Variants in OXCT1 observed in about 807,000 individuals in gnomAD.
The protein encoded by OXCT1 is succinyl-CoA:3-ketoacid coenzyme A transferase 1, mitochondrial.
In OXCT1, 27 loss-of-function variants were observed where a neutral mutation model predicts 69.6. The observed-to-expected ratio is 0.39, with a 90% CI of 0.29 to 0.54. OXCT1 has a LOEUF of 0.54. OXCT1 is among the 20% of genes least tolerant of loss of function. The pLI is 0.72. For synonymous variants in OXCT1, 202 were observed against 217.8 expected (o/e 0.93, Z 0.64); for missense variants, 437 against 650.2 (o/e 0.67, Z 3.57).
intron 13 of OXCT1, among the ~76,000 whole-genome samples, chr5:41,768,045 A>G (rs1744703039): frequency 6.6e-6 from 1 of 152,008 alleles, no homozygotes; most frequent in Non-Finnish European, 1.5e-5. Context: ...CCACATTTCC[A>G]GCTAAGGTCT....
intron 13 of OXCT1, among the ~76,000 whole-genome samples, chr5:41,791,347 A>G (rs1745906741): frequency 6.6e-6 from 1 of 152,236 alleles, no homozygotes; most frequent in South Asian, 2.1e-4. Context: ...TGATGTTCCT[A>G]CAGAACTCCA....
intron 13 of OXCT1, among the ~76,000 whole-genome samples, chr5:41,787,371 T>C (rs1485309160): frequency 1.3e-5 from 2 of 152,156 alleles, no homozygotes; most frequent in Non-Finnish European, 2.9e-5. Context: ...AAGATAGGTC[T>C]ACAATTTCCC....
chr5:41,805,486 A>T lies in OXCT1; in HGVS notation c.955+81T>A, dbSNP rs546119491. 4.4e-6 allele frequency: 4 copies of T among 917,082 alleles called. No homozygotes were observed. The Admixed American group carries it at 5.2e-5, about 12-fold the overall frequency. The allele number at this position is 917,082 out of a possible 1,614,324, so 56.8% of individuals were successfully genotyped here. ...TACCATAGACTAGAGATGACTCACT[A>T]TGCAAGAGGTCTAATAGCCTGATCA... On this transcript the variant is annotated intron_variant, in intron 9 of 16. Coordinates refer to ENST00000196371, the MANE Select transcript of OXCT1 (RefSeq NM_000436.4).
At chr5:41,761,134 T>C (rs780618969) in intron 14 of OXCT1, among the ~76,000 whole-genome samples, 9 of 152,098 alleles carry the variant, frequency 5.9e-5, no homozygotes, top group Non-Finnish European at 1.3e-4. Flanking sequence ...TATCAACTTT[T>C]AAAATCAGTA....
intron 4 of OXCT1, among the ~76,000 whole-genome samples, chr5:41,851,216 G>A (rs577629600): frequency 1.3e-5 from 2 of 152,274 alleles, no homozygotes; most frequent in East Asian, 3.9e-4. Context: ...ACTTTAACAG[G>A]ACTCTAAGTA....
Position 41,765,140 on chromosome 5 carries a change from C to A in OXCT1, c.1249-2940G>T, listed in dbSNP as rs76887696. ...CATAAGCGGGAAATGCATCATCATC[C>A]TTCACTCCAGCTTAGCTAGGCATTC... On this transcript the variant is annotated intron_variant, in intron 13 of 16. Transcript: ENST00000196371. Among the ~76,000 whole-genome samples the A allele has an allele frequency of 5.8e-3, 884 of 152,262 alleles. 9 individuals are homozygous for A. Among genetic ancestry groups the A allele is most frequent in the African/African-American group, 0.02 (841 of 41,558 alleles).
At chr5:41,823,979 G>A (rs1747685744) in intron 7 of OXCT1, among the ~76,000 whole-genome samples, 1 of 152,120 alleles carries the variant, frequency 6.6e-6, no homozygotes, top group African/African-American at 2.4e-5. Context: ...TAAGTTAACT[G>A]AAAAATTCAG....
chr5:41,740,718 C>T lies in OXCT1; in HGVS notation c.1420-1227G>A, dbSNP rs144903819. Among the ~76,000 whole-genome samples, 11 of 152,284 alleles carry T rather than the reference C, an allele frequency of 7.2e-5. No homozygotes were observed. In the East Asian group the frequency reaches 1.9e-3, roughly 27 times the overall value. The stretch of plus-strand genomic sequence containing the variant: ...GATACTTGCAGTGGCAGGAGGCTCA[C>T]TTATTTCAAGGCAGATTGTTTACTG... On this transcript the variant is annotated intron_variant, in intron 15 of 16. Transcript: ENST00000196371.
intron 5 of OXCT1, among the ~76,000 whole-genome samples, chr5:41,843,370 T>G (rs990935417): frequency 2.0e-5 from 3 of 152,202 alleles, no homozygotes; most frequent in African/African-American, 7.2e-5. Flanking sequence ...TTTTATTATT[T>G]TCTCCATAAA....
At position 41,766,568 on chromosome 5, in the gene OXCT1, C is replaced by CAA. The variant is rs35725846; in HGVS notation, c.1249-4370_1249-4369dup. 1.4e-3 allele frequency among the ~76,000 whole-genome samples: 163 copies of CAA among 119,988 alleles called. 1 individual carries two copies. Among genetic ancestry groups the CAA allele is most frequent in the Middle Eastern group, 4.5e-3 (1 of 224 alleles). The allele number at this position is 119,988 out of a possible 152,430, so 78.7% of individuals were successfully genotyped here. A position where few individuals can be genotyped will look rare whatever the true frequency, so the allele number is the denominator to read the frequency against. On this transcript the variant is annotated intron_variant, in intron 13 of 16. Transcript: ENST00000196371. Reference sequence around the variant, plus strand: ...AAAGTATCAATATTACATTGTACTCCAAAAAAAAAAAAAAACAACAACAAC... The same window carrying CAA: ...AAAGTATCAATATTACATTGTACTCCAAAAAAAAAAAAAAAAACAACAACAAC...
At position 41,842,210 on chromosome 5, in the gene OXCT1, C is replaced by G. The variant is rs193231093; in HGVS notation, c.671+465G>C. ...AGGTTAATCAATTTTTCAGATAGAA[C>G]CTTTGTAAGCATTTCCTAGAAGACA... is the stretch of plus-strand genomic sequence containing the variant. On this transcript the variant is annotated intron_variant, in intron 6 of 16. Transcript: ENST00000196371. 2.0e-5 allele frequency among the ~76,000 whole-genome samples: 3 copies of G among 152,132 alleles called. No individual in the cohort carries two copies. In the South Asian group the frequency reaches 6.2e-4, roughly 31 times the overall value.
intron 14 of OXCT1, among the ~76,000 whole-genome samples, chr5:41,749,921 T>G (rs1743682829): frequency 6.6e-6 from 1 of 152,120 alleles, no homozygotes; most frequent in African/African-American, 2.4e-5. Context: ...TCCTGATTAT[T>G]TTTCCCTTCC....
In OXCT1 at chr5:41,739,680, A is replaced by G. The variant is rs559177894; in HGVS notation, c.1420-189T>C. 147 of 514,874 alleles carry G rather than the reference A, an allele frequency of 2.9e-4. 1 individual carries two copies. Among genetic ancestry groups the G allele is most frequent in the South Asian group, 2.6e-3 (137 of 52,882 alleles). 31.9% of individuals were successfully genotyped at this position (514,874 alleles called of 1,614,324 possible). ...GGAGATCGAGACCATCCTGGCTAAC[A>G]CGGTGAAACCCCGTCTCTACTAAAA... On this transcript the variant is annotated intron_variant, in intron 15 of 16. Coordinates refer to ENST00000196371, the MANE Select transcript of OXCT1 (RefSeq NM_000436.4).
At position 41,731,637 on chromosome 5, in the gene OXCT1, T is replaced by C; in HGVS notation, c.*92A>G. The C allele has an allele frequency of 1.3e-6, 2 of 1,519,456 alleles. No homozygotes were observed. The highest frequency in any genetic ancestry group is 1.8e-6 in the Non-Finnish European group (2 of 1,120,324). The allele number at this position is 1,519,456 out of a possible 1,614,324, so 94.1% of individuals were successfully genotyped here. On this transcript the variant is annotated 3_prime_UTR_variant, in exon 17 of 17. Coordinates refer to ENST00000196371, the MANE Select transcript of OXCT1 (RefSeq NM_000436.4). Reference sequence around the variant, plus strand: ...AAGAAAACTAATAAAAAACCACCTGTTAAATACACAATTATGATTATTGAT... The same window carrying C: ...AAGAAAACTAATAAAAAACCACCTGCTAAATACACAATTATGATTATTGAT...
intron 15 of OXCT1, among the ~76,000 whole-genome samples, chr5:41,742,509 T>G (rs1743220892): frequency 6.6e-6 from 1 of 152,176 alleles, no homozygotes; most frequent in African/African-American, 2.4e-5. Context: ...CACTTTAAGT[T>G]TTAGGGTACA....
At chr5:41,861,243 T>C (rs1749718283) in intron 3 of OXCT1, 71 bp downstream of exon 3, 2 of 1,000,326 alleles carry the variant, frequency 2.0e-6, no homozygotes, top group Non-Finnish European at 3.2e-6. Flanking sequence ...TTCATTTCAT[T>C]GATAAACTCT....
Position 41,796,761 on chromosome 5 carries a change from C to T in OXCT1, c.1100-2012G>A, listed in dbSNP as rs77908176. On this transcript the variant is annotated intron_variant, in intron 11 of 16. Transcript: ENST00000196371. ...AGGGGCTTTTAAACAGCATGTAAGA[C>T]GTAGTGGATTAAATTAGATAATGCA... 1.8e-4 allele frequency among the ~76,000 whole-genome samples: 28 copies of T among 152,204 alleles called. No individual in the cohort carries two copies. The East Asian group carries it at 5.0e-3, about 27-fold the overall frequency.
chr5:41,772,325 ACCG>A (rs1346951662), intron 13 of OXCT1, among the ~76,000 whole-genome samples: 3 of 151,854 alleles, frequency 2.0e-5, no homozygotes, highest in African/African-American at 7.3e-5. Flanking sequence ...ATGTAATTAC[ACCG>A]CCATCACTGA....
chr5:41,753,043 A>G (rs1743871396), intron 14 of OXCT1, among the ~76,000 whole-genome samples: 1 of 152,090 alleles, frequency 6.6e-6, no homozygotes, highest in African/African-American at 2.4e-5. Context: ...CTGCAGTATT[A>G]AACAACTCTA....
Sources: gnomAD v4.1 joint callset for allele counts (sites outside exome capture counted in the v4.1 genomes callset) on GRCh38, gnomAD v4.1.1 for gene constraint, MANE v1.5 for transcripts, NCBI Gene and HGNC (gene_info 2026-07-23, HGNC 2026-07-21) for gene names.